Variants in PTPN23 observed in about 807,000 individuals in gnomAD.
PTPN23 encodes the protein protein tyrosine phosphatase non-receptor type 23.
PTPN23 carries 72 observed loss-of-function variants against 156.3 expected under a neutral mutation model. The observed-to-expected ratio is 0.46, with a 90% CI of 0.38 to 0.56. The LOEUF is 0.56. Ranked by LOEUF, PTPN23 falls within the 20% of genes least tolerant of loss-of-function variation. PTPN23 has a pLI of 0.00. For missense variants in PTPN23, 1,974 were observed against 2,171.5 expected, an observed-to-expected ratio of 0.91 and a Z score of 1.81; for synonymous variants, 957 against 899.6, an observed-to-expected ratio of 1.06 and a Z score of -1.14.
chr3:47,412,510 G>A lies in PTPN23; in HGVS notation c.4318-4G>A, dbSNP rs370379007. 7 of 1,613,066 alleles carry A rather than the reference G, an allele frequency of 4.3e-6. No homozygotes were observed. Among genetic ancestry groups the A allele is most frequent in the Non-Finnish European group, 5.9e-6 (7 of 1,179,794 alleles). On this transcript the variant is annotated splice_polypyrimidine_tract_variant and splice_region_variant and intron_variant, in intron 23 of 24. Coordinates refer to ENST00000265562, the MANE Select transcript of PTPN23 (RefSeq NM_015466.4). ...AGCTGACCTGGCCAAATGCACCTGTGCAGCTGCACCTCAGGTTCTGCTATG... is the reference window on the plus strand; with the variant it reads ...AGCTGACCTGGCCAAATGCACCTGTACAGCTGCACCTCAGGTTCTGCTATG...
chr3:47,384,197 G>A (rs540760485), intron 1 of PTPN23, among the ~76,000 whole-genome samples: 3 of 151,806 alleles, frequency 2.0e-5, no homozygotes, highest in African/African-American at 4.8e-5. Context: ...GGCCGGGTGC[G>A]GTGGCTCACG....
At position 47,408,419 on chromosome 3, in the gene PTPN23, A is replaced by G. The variant is rs1244425847; in HGVS notation, c.1259A>G (p.Gln420Arg). ...NLDAYSHIPP[Q>R]LMEKCAALSV... ...GATGCCTACAGCCACATCCCACCCCAGCTCATGGAGAAGTGCGCGGCTCTC... is the reference window on the plus strand; with the variant it reads ...GATGCCTACAGCCACATCCCACCCCGGCTCATGGAGAAGTGCGCGGCTCTC... The change falls in exon 15 of 25, where the codon CAG (glutamine) becomes CGG (arginine). Residue 420 changes from glutamine (Q) to arginine (R), a missense_variant. Transcript: ENST00000265562. 6.2e-7 allele frequency: 1 copy of G among 1,614,114 alleles called. No individual in the cohort carries two copies. Among genetic ancestry groups the G allele is most frequent in the East Asian group, 2.2e-5 (1 of 44,888 alleles).
In PTPN23 at chr3:47,407,234, C is replaced by T. The variant is rs372424059; in HGVS notation, c.864+48C>T. ...TGCCCTGAGGGTATAGGAGCAAGCC[C>T]GGTAGGACTGAGGGGGTGTCCTGGT... On this transcript the variant is annotated intron_variant, in intron 10 of 24. Transcript: ENST00000265562. The surrounding 1 kb of genome is among the most constrained non-coding windows in gnomAD (Gnocchi z 4.0). 59 of 1,613,512 alleles carry T rather than the reference C, an allele frequency of 3.7e-5. No individual in the cohort carries two copies. Among genetic ancestry groups the T allele is most frequent in the East Asian group, 3.6e-4 (16 of 44,900 alleles).
intron 2 of PTPN23, 74 bp downstream of exon 2, chr3:47,396,291 A>C: frequency 7.7e-7 from 1 of 1,306,988 alleles, no homozygotes; most frequent in East Asian, 2.4e-5. Context: ...GAAACTGCCT[A>C]GGCTGGGCAT....
Position 47,406,585 on chromosome 3 carries a change from G to C in PTPN23, c.732G>C (p.Lys244Asn). The C allele has an allele frequency of 1.2e-6, 2 of 1,613,926 alleles. No homozygotes were observed. Among genetic ancestry groups the C allele is most frequent in the Non-Finnish European group, 1.7e-6 (2 of 1,179,992 alleles). Residue 244 changes from lysine (K) to asparagine (N), a missense_variant, in exon 8 of 25, where the codon AAG becomes AAC. By Grantham distance (94) the Lys-to-Asn change is moderately conservative (BLOSUM62 0). Around this residue, in one of 4 missense-constraint regions of PTPN23, gnomAD observed 726 missense variants for 929.5 expected, o/e 0.78. Transcript: ENST00000265562. The surrounding 1 kb of genome is among the most constrained non-coding windows in gnomAD (Gnocchi z 5.8). The stretch of plus-strand genomic sequence containing the variant: ...ACTGGAAGAAACTTGTGCAGATGAA[G>C]ATCTACTACTTCGCAGCCGTGGCTC... Reference protein sequence around the residue: ...QKDWKKLVQMKIYYFAAVAHL... With the variant: ...QKDWKKLVQMNIYYFAAVAHL...
Position 47,401,193 on chromosome 3 carries a change from G to A in PTPN23, c.160-3459G>A, listed in dbSNP as rs181208626. On this transcript the variant is annotated intron_variant, in intron 2 of 24. Transcript: ENST00000265562. ...TGGGATTACAGGCGTGAGCCACTGC[G>A]TCCGGCCTTTTATTTTATTTTTTGA... 2.1e-3 allele frequency among the ~76,000 whole-genome samples: 301 copies of A among 146,542 alleles called. 3 individuals carry two copies. The highest frequency in any genetic ancestry group is 6.9e-3 in the African/African-American group (272 of 39,472).
In PTPN23 at chr3:47,411,997, G is replaced by A; in HGVS notation, c.4073+30G>A. 6.2e-7 allele frequency: 1 copy of A among 1,605,960 alleles called. No homozygotes were observed. The highest frequency in any genetic ancestry group is 8.5e-7 in the Non-Finnish European group (1 of 1,175,450). On this transcript the variant is annotated intron_variant, in intron 21 of 24. Coordinates refer to ENST00000265562, the MANE Select transcript of PTPN23 (RefSeq NM_015466.4). This position sits in a 1 kb window ranked among gnomAD's most constrained non-coding sequence, Gnocchi z 6.3. ...GTCCACTGCTCTGGATGGTGGTTGG[G>A]GGTCTAAGTGCTGTCCAGTCCTTGG... is the stretch of plus-strand genomic sequence containing the variant.
At chr3:47,392,088 G>A (rs1704786737) in intron 1 of PTPN23, among the ~76,000 whole-genome samples, 1 of 152,078 alleles carries the variant, frequency 6.6e-6, no homozygotes, top group Admixed American at 6.5e-5. Flanking sequence ...GTTTTGCCAT[G>A]TTGCCCAGGC....
chr3:47,404,875 TG>T (rs1705085725), intron 3 of PTPN23, 96 bp downstream of exon 3: 1 of 1,576,846 alleles, frequency 6.3e-7, no homozygotes, highest in Admixed American at 1.8e-5. Flanking sequence ...CTGCATAGGA[TG>T]GGGAATGGCC....
chr3:47,384,389 C>T (rs866674075), intron 1 of PTPN23, among the ~76,000 whole-genome samples: 2 of 124,108 alleles, frequency 1.6e-5, no homozygotes, highest in Non-Finnish European at 3.2e-5. Flanking sequence ...ACCTGGGAGG[C>T]GGAGCTTGCA....
Position 47,409,918 on chromosome 3 carries a change from T to G in PTPN23, c.2130-10T>G. 1 of 1,571,742 alleles carries G rather than the reference T, an allele frequency of 6.4e-7. No individual in the cohort carries two copies. Among genetic ancestry groups the G allele is most frequent in the South Asian group, 1.2e-5 (1 of 84,884 alleles). On this transcript the variant is annotated splice_polypyrimidine_tract_variant and intron_variant, in intron 19 of 24. Coordinates refer to ENST00000265562, the MANE Select transcript of PTPN23 (RefSeq NM_015466.4). ...AGCCTGGCCCCACTTTTTCCTTGCC[T>G]GTCGCACAGGGAGCTGAAGAAGAAG...
At position 47,406,839 on chromosome 3, in the gene PTPN23, G is replaced by T; in HGVS notation, c.807+89G>T. 1 of 1,526,666 alleles carries T rather than the reference G, an allele frequency of 6.6e-7. No individual in the cohort carries two copies. Among genetic ancestry groups the T allele is most frequent in the Non-Finnish European group, 8.9e-7 (1 of 1,118,022 alleles). 94.6% of individuals were successfully genotyped at this position (1,526,666 alleles called of 1,614,324 possible). ...CCCGCTCCTTACACACCAGGGGGTG[G>T]CCTTCTCTGTCTCACCCTGGCCATC... On this transcript the variant is annotated intron_variant, in intron 9 of 24. Coordinates refer to ENST00000265562, the MANE Select transcript of PTPN23 (RefSeq NM_015466.4). This position sits in a 1 kb window ranked among gnomAD's most constrained non-coding sequence, Gnocchi z 5.8.
chr3:47,408,940 G>A lies in PTPN23; in HGVS notation c.1495G>A (p.Ala499Thr). ...GCTGGCAGAGGTGAGGCGAGAATGG[G>A]CCAAGTACATGGAAGTCCATGAGAA... is the stretch of plus-strand genomic sequence containing the variant. ...AELAEVRREWAKYMEVHEKAS... is the reference protein window; with the variant it reads ...AELAEVRREWTKYMEVHEKAS... Residue 499 changes from alanine (A) to threonine (T), a missense_variant, in exon 16 of 25, where the codon GCC (alanine) becomes ACC (threonine). By Grantham distance (58) the Ala-to-Thr change is moderately conservative. Coordinates refer to ENST00000265562, the MANE Select transcript of PTPN23 (RefSeq NM_015466.4). 6.2e-7 allele frequency: 1 copy of A among 1,614,246 alleles called. No individual in the cohort carries two copies. Among genetic ancestry groups the A allele is most frequent in the South Asian group, 1.1e-5 (1 of 91,090 alleles).
At chr3:47,401,043 C>G (rs989057374) in intron 2 of PTPN23, among the ~76,000 whole-genome samples, 5 of 151,768 alleles carry the variant, frequency 3.3e-5, no homozygotes, top group African/African-American at 9.7e-5. Flanking sequence ...GCTGGGACTA[C>G]AGGTGCCCGT....
chr3:47,391,786 G>T lies in PTPN23; in HGVS notation c.85-4357G>T, dbSNP rs188301382. Among the ~76,000 whole-genome samples the T allele has an allele frequency of 3.9e-5, 6 of 152,268 alleles. No individual in the cohort carries two copies. In the East Asian group the frequency reaches 1.2e-3, roughly 29 times the overall value. On this transcript the variant is annotated intron_variant, in intron 1 of 24. Coordinates refer to ENST00000265562, the MANE Select transcript of PTPN23 (RefSeq NM_015466.4). ...CTTTTACTCATTTTCTCTAACCTAAGGGTGGGCAAAACCTCTTACTGCAAG... is the reference window on the plus strand; with the variant it reads ...CTTTTACTCATTTTCTCTAACCTAATGGTGGGCAAAACCTCTTACTGCAAG...
rs778206727 is a variant in PTPN23, at chr3:47,405,106, G to A, written c.364+25G>A. ...GGTGAGCTGCCTGATCCCTTCCCCC[G>A]GCCCTACTCCCCAGTCCTGCCAGCC... On this transcript the variant is annotated intron_variant, in intron 4 of 24. Coordinates refer to ENST00000265562, the MANE Select transcript of PTPN23 (RefSeq NM_015466.4). The surrounding 1 kb of genome is among the most constrained non-coding windows in gnomAD (Gnocchi z 4.7). 8.1e-6 allele frequency: 13 copies of A among 1,608,522 alleles called. No individual in the cohort carries two copies. Among genetic ancestry groups the A allele is most frequent in the South Asian group, 4.4e-5 (4 of 90,970 alleles).
chr3:47,403,842 TTGACCC>T (rs905603069), intron 2 of PTPN23, among the ~76,000 whole-genome samples: 1 of 152,210 alleles, frequency 6.6e-6, no homozygotes, highest in Non-Finnish European at 1.5e-5. Flanking sequence ...AGTCCAGTTT[TTGACCC>T]TGGTAATAAT....
At position 47,412,926 on chromosome 3, in the gene PTPN23, C is replaced by T. The variant is rs1321547946; in HGVS notation, c.4652C>T (p.Pro1551Leu). 1 of 1,604,896 alleles carries T rather than the reference C, an allele frequency of 6.2e-7. No individual in the cohort carries two copies. The highest frequency in any genetic ancestry group is 8.5e-7 in the Non-Finnish European group (1 of 1,175,036). The change falls in exon 25 of 25, where the codon CCA becomes CTA. Residue 1551 changes from proline (P) to leucine (L), a missense_variant. This residue lies in a region of PTPN23 where 484 missense variants were observed against 516.0 expected (regional missense o/e 0.94). Coordinates refer to ENST00000265562, the MANE Select transcript of PTPN23 (RefSeq NM_015466.4). ...PSSSPPPLSSPLPEAPQPKEE... is the reference protein window; with the variant it reads ...PSSSPPPLSSLLPEAPQPKEE... Reference sequence around the variant, plus strand: ...TCCTCCCCGCCCCCCCTTTCCTCCCCACTACCTGAGGCTCCCCAGCCTAAG... The same window carrying T: ...TCCTCCCCGCCCCCCCTTTCCTCCCTACTACCTGAGGCTCCCCAGCCTAAG...
chr3:47,393,915 T>C (rs1704826228), intron 1 of PTPN23, among the ~76,000 whole-genome samples: 1 of 151,638 alleles, frequency 6.6e-6, no homozygotes, highest in Admixed American at 6.6e-5. Context: ...AATTTTTTTT[T>C]TTTTTTTTAA....
Sources: gnomAD v4.1 joint callset for allele counts (sites outside exome capture counted in the v4.1 genomes callset) on GRCh38, gnomAD v4.1.1 for gene constraint, gnomAD v4.1.1 regional missense constraint, Gnocchi (gnomAD v3.1) non-coding constraint, MANE v1.5 for transcripts, NCBI Gene and HGNC (gene_info 2026-07-23, HGNC 2026-07-21) for gene names.